KCNQ5: variants seen among roughly 807,000 people sequenced by gnomAD.
KCNQ5 encodes potassium voltage-gated channel subfamily KQT member 5.
Under a neutral mutation model 98.2 loss-of-function variants are expected in KCNQ5, and 30 were observed. The ratio of observed to expected loss-of-function variants is 0.31; its 90% CI spans 0.23 to 0.41. KCNQ5 has a LOEUF of 0.41. KCNQ5 is among the 10% of genes least tolerant of loss of function. The pLI is 1.00. For synonymous variants in KCNQ5, 458 were observed against 449.4 expected (o/e 1.02, Z -0.24); for missense variants, 835 against 1,182.5 (o/e 0.71, Z 4.31).
intron 1 of KCNQ5, among the ~76,000 whole-genome samples, chr6:72,996,095 G>A (rs1165369840): frequency 6.6e-6 from 1 of 152,220 alleles, no homozygotes; most frequent in Non-Finnish European, 1.5e-5. Flanking sequence ...CTATGCCTGA[G>A]TTCCCAGTTC....
intron 1 of KCNQ5, among the ~76,000 whole-genome samples, chr6:72,797,550 A>C (rs1187470568): frequency 3.3e-5 from 5 of 152,050 alleles, no homozygotes; most frequent in Non-Finnish European, 5.9e-5. Flanking sequence ...TGTTATAGTT[A>C]CATTGACAAA....
At chr6:73,134,803 T>G (rs1182982299) in intron 10 of KCNQ5, 1 of 152,276 alleles carries the variant, frequency 6.6e-6, no homozygotes, top group African/African-American at 2.4e-5. Flanking sequence ...TGTCCTGTGC[T>G]AAGGAAGGAA....
chr6:72,623,852 G>T (rs935618416), intron 1 of KCNQ5, among the ~76,000 whole-genome samples: 1 of 152,156 alleles, frequency 6.6e-6, no homozygotes, highest in Non-Finnish European at 1.5e-5. Flanking sequence ...TCCATACATA[G>T]CTCTCTCCTG....
At chr6:73,170,461 C>A (rs980860109) in intron 11 of KCNQ5, among the ~76,000 whole-genome samples, 1 of 141,438 alleles carries the variant, frequency 7.1e-6, no homozygotes, top group South Asian at 2.2e-4. Flanking sequence ...CACACACACA[C>A]GCAATCAAGA....
intron 1 of KCNQ5, among the ~76,000 whole-genome samples, chr6:72,820,611 G>T (rs1028079293): frequency 6.6e-6 from 1 of 151,976 alleles, no homozygotes. Context: ...AATAAAATAT[G>T]TAAAAGCAGG....
chr6:72,878,405 T>C (rs1778505486), intron 1 of KCNQ5, among the ~76,000 whole-genome samples: 1 of 149,362 alleles, frequency 6.7e-6, no homozygotes, highest in Non-Finnish European at 1.5e-5. Context: ...ACTCTGATTG[T>C]CACAACCCCA....
chr6:72,675,836 G>A (rs1428018238), intron 1 of KCNQ5, among the ~76,000 whole-genome samples: 1 of 152,124 alleles, frequency 6.6e-6, no homozygotes, highest in African/African-American at 2.4e-5. Flanking sequence ...TTTATGAGAT[G>A]GGAGCATTGG....
At chr6:73,156,988 C>T (rs914807916) in intron 10 of KCNQ5, among the ~76,000 whole-genome samples, 6 of 152,104 alleles carry the variant, frequency 3.9e-5, no homozygotes, top group Non-Finnish European at 8.8e-5. Flanking sequence ...GGGCTGGGGG[C>T]TCGGGCCTCC....
intron 1 of KCNQ5, among the ~76,000 whole-genome samples, chr6:72,782,492 T>C (rs906146107): frequency 1.3e-5 from 2 of 152,180 alleles, no homozygotes; most frequent in African/African-American, 4.8e-5. Flanking sequence ...GCATGCACCA[T>C]TTTCCTTTTA....
intron 10 of KCNQ5, among the ~76,000 whole-genome samples, chr6:73,153,041 A>G (rs1777216965): frequency 6.6e-6 from 1 of 152,150 alleles, no homozygotes; most frequent in Non-Finnish European, 1.5e-5. Context: ...GGAATAGGAG[A>G]GGACCATATG....
At chr6:72,958,600 G>C (rs1767196020) in intron 1 of KCNQ5, among the ~76,000 whole-genome samples, 1 of 152,110 alleles carries the variant, frequency 6.6e-6, no homozygotes, top group Non-Finnish European at 1.5e-5. Flanking sequence ...ATTATTTTGT[G>C]CAGGTATATT....
intron 1 of KCNQ5, among the ~76,000 whole-genome samples, chr6:72,824,244 A>G (rs1033982381): frequency 1.3e-5 from 2 of 152,080 alleles, no homozygotes; most frequent in Admixed American, 6.6e-5. Context: ...AGCAATATAA[A>G]TGGTCTTCAG....
At chr6:72,657,991 T>G (rs980115781) in intron 1 of KCNQ5, among the ~76,000 whole-genome samples, 1 of 152,206 alleles carries the variant, frequency 6.6e-6, no homozygotes, top group African/African-American at 2.4e-5. Flanking sequence ...ACAACTTAGA[T>G]TCAAGTGAGT....
intron 1 of KCNQ5, among the ~76,000 whole-genome samples, chr6:72,715,696 CACTT>C: frequency 6.6e-6 from 1 of 151,994 alleles, no homozygotes; most frequent in East Asian, 1.9e-4. Context: ...TAAAACATGA[CACTT>C]ATAAAGTATC....
rs976208563 is a variant in KCNQ5, at chr6:73,166,296, C to A, written c.1469-3450C>A. On this transcript the variant is annotated intron_variant, in intron 10 of 13. Coordinates refer to ENST00000370398, the MANE Select transcript of KCNQ5 (RefSeq NM_019842.4). ...AAAAAATACAAAAAAAGTAGCTGGG[C>A]ATGGTGGCGGGCACCTGTAGTCCCA... Among the ~76,000 whole-genome samples, 6 of 150,900 alleles carry A rather than the reference C, an allele frequency of 4.0e-5. No homozygotes were observed. The East Asian group carries it at 1.2e-3, about 30-fold the overall frequency.
chr6:72,702,636 G>T (rs1768872616), intron 1 of KCNQ5, among the ~76,000 whole-genome samples: 1 of 152,148 alleles, frequency 6.6e-6, no homozygotes, highest in African/African-American at 2.4e-5. Flanking sequence ...CAGATAAGTT[G>T]TGATGTTCTC....
chr6:73,090,603 G>A (rs925048644), intron 5 of KCNQ5, among the ~76,000 whole-genome samples: 1 of 152,228 alleles, frequency 6.6e-6, no homozygotes, highest in Admixed American at 6.5e-5. Flanking sequence ...TGAGAAATGA[G>A]GATCCAGTTT....
intron 1 of KCNQ5, among the ~76,000 whole-genome samples, chr6:72,932,823 C>T (rs1224039820): frequency 1.3e-5 from 2 of 152,082 alleles, no homozygotes; most frequent in African/African-American, 4.8e-5. Flanking sequence ...GCTTTTTGAA[C>T]TATTATCACT....
chr6:72,694,975 T>G (rs1040251819), intron 1 of KCNQ5, among the ~76,000 whole-genome samples: 1 of 152,198 alleles, frequency 6.6e-6, no homozygotes, highest in Non-Finnish European at 1.5e-5. Flanking sequence ...GTTTTTTATT[T>G]CTGAGTTAAT....
Sources: allele counts gnomAD v4.1 joint callset (sites outside exome capture counted in the v4.1 genomes callset), GRCh38; gene constraint gnomAD v4.1.1; transcripts MANE v1.5; gene names NCBI Gene and HGNC (gene_info 2026-07-23, HGNC 2026-07-21).